Variants in FCN1 observed in about 807,000 individuals in gnomAD.
The protein encoded by FCN1 is ficolin 1, also known as ficolin-1.
Under a neutral mutation model 35.6 loss-of-function variants are expected in FCN1, and 42 were observed. That is an observed-to-expected ratio of 1.18 (90% CI 0.92 to 1.53). The LOEUF (loss-of-function observed/expected upper bound fraction) is 1.53. FCN1 is among the 40% of genes most tolerant of loss of function. The probability of loss-of-function intolerance (pLI) is 0.00; values close to 1 mark genes in which losing one functional copy is unlikely to be tolerated. For missense variants in FCN1, 439 were observed against 428.4 expected (o/e 1.02, Z -0.22); for synonymous variants, 179 against 169.8 (o/e 1.05, Z -0.42).
At chr9:134,917,697 T>C in intron 1 of FCN1, 72 bp downstream of exon 1, 4 of 960,130 alleles carry the variant, frequency 4.2e-6, no homozygotes, top group Non-Finnish European at 6.8e-6. Flanking sequence ...AGGTTTTGCC[T>C]GGGACACCCG....
At chr9:134,916,587 G>A in intron 1 of FCN1, 126 bp from the exon 2 acceptor site, 1 of 926,224 alleles carries the variant, frequency 1.1e-6, no homozygotes, top group Non-Finnish European at 1.7e-6. Flanking sequence ...GAGATGTGAT[G>A]GGGGGCAGAG....
At chr9:134,910,943 C>T (rs1831015360) in intron 8 of FCN1, among the ~76,000 whole-genome samples, 190 bp downstream of exon 8, 1 of 152,216 alleles carries the variant, frequency 6.6e-6, no homozygotes, top group Non-Finnish European at 1.5e-5. Context: ...GCAGACATAG[C>T]CTTAGGAATA....
intron 1 of FCN1, among the ~76,000 whole-genome samples, chr9:134,916,865 C>T (rs1403590884): frequency 6.6e-6 from 1 of 152,172 alleles, no homozygotes; most frequent in Non-Finnish European, 1.5e-5. Flanking sequence ...GGAATTGGGG[C>T]TGACAAAGCA....
intron 8 of FCN1, among the ~76,000 whole-genome samples, chr9:134,910,442 C>G (rs1588655454): frequency 6.6e-6 from 1 of 152,206 alleles, no homozygotes; most frequent in Admixed American, 6.5e-5. Context: ...TCCTCTATCT[C>G]AAGCCCTGAG....
At position 134,904,818 on chromosome 9, in the gene FCN1, G is replaced by A. The variant is rs920438630; in HGVS notation, c.*4980C>T. Among the ~76,000 whole-genome samples, 26 of 151,758 alleles carry A rather than the reference G, an allele frequency of 1.7e-4. No individual in the cohort carries two copies. The highest frequency in any genetic ancestry group is 6.3e-4 in the African/African-American group (26 of 41,286). On this transcript the variant is annotated 3_prime_UTR_variant, in exon 9 of 9. Coordinates refer to ENST00000371806, the MANE Select transcript of FCN1 (RefSeq NM_002003.5). ...AAAAAATATATATGAAAGGGAGTTT[G>A]TCAGGCAGCAAGAAGATGATCTCAC...
chr9:134,909,267 C>G lies in FCN1; in HGVS notation c.*531G>C, dbSNP rs959917065. ...GGGAAGCAGAAAAGTTCCTACTAAA[C>G]TTTCCCCCTTTTTAGTAAGTGTTTT... On this transcript the variant is annotated 3_prime_UTR_variant, in exon 9 of 9. Transcript: ENST00000371806. 1 of 1,289,716 alleles carries G rather than the reference C, an allele frequency of 7.8e-7. No homozygotes were observed. The highest frequency in any genetic ancestry group is 2.3e-5 in the Admixed American group (1 of 43,558). The allele number at this position is 1,289,716 out of a possible 1,614,324, so 79.9% of individuals were successfully genotyped here.
At chr9:134,914,680 T>A (rs1256829208) in intron 3 of FCN1, 76 bp downstream of exon 3, 1 of 1,064,668 alleles carries the variant, frequency 9.4e-7, no homozygotes, top group East Asian at 2.6e-5. Context: ...TGTCTCTGTC[T>A]CTCCCTCCCT....
intron 7 of FCN1, 34 bp downstream of exon 7, chr9:134,912,452 C>A (rs760373456): frequency 1.9e-6 from 3 of 1,598,048 alleles, no homozygotes; most frequent in Non-Finnish European, 1.7e-6. Context: ...CACCTCAGGG[C>A]CCCCCAACCC....
At position 134,905,878 on chromosome 9, in the gene FCN1, C is replaced by CTTG. The variant is rs1830946456; in HGVS notation, c.*3919_*3920insCAA. 2.3e-5 allele frequency: 2 copies of CTTG among 86,704 alleles called. 1 individual carries two copies. 5.4% of individuals were successfully genotyped at this position (86,704 alleles called of 1,614,324 possible). On this transcript the variant is annotated 3_prime_UTR_variant, in exon 9 of 9. Transcript: ENST00000371806. ...TCTTCCTCTTCCTCTTCTTCTTCTT[C>CTTG]TTCTTCTTCTTCTTCTTCTTCTTCT...
chr9:134,913,623 G>C lies in FCN1; in HGVS notation c.308-10C>G, dbSNP rs1831054842. On this transcript the variant is annotated splice_polypyrimidine_tract_variant and intron_variant, in intron 4 of 8. Coordinates refer to ENST00000371806, the MANE Select transcript of FCN1 (RefSeq NM_002003.5). The stretch of plus-strand genomic sequence containing the variant: ...GACTGCCCAGCGTCTCCTGTGTGGG[G>C]AGAGGAGACACTTGTCATAAGCTTG... 1 of 1,600,718 alleles carries C rather than the reference G, an allele frequency of 6.2e-7. No individual in the cohort carries two copies. The highest frequency in any genetic ancestry group is 8.5e-7 in the Non-Finnish European group (1 of 1,171,988).
At position 134,909,198 on chromosome 9, in the gene FCN1, C is replaced by T. The variant is rs1224388427; in HGVS notation, c.*600G>A. The T allele has an allele frequency of 2.3e-6, 3 of 1,289,364 alleles. No homozygotes were observed. The highest frequency in any genetic ancestry group is 2.5e-5 in the South Asian group (2 of 80,960). The allele number at this position is 1,289,364 out of a possible 1,614,324, so 79.9% of individuals were successfully genotyped here. A position where few individuals can be genotyped will look rare whatever the true frequency, so the allele number is the denominator to read the frequency against. On this transcript the variant is annotated 3_prime_UTR_variant, in exon 9 of 9. Transcript: ENST00000371806. ...CTTAGTGAGTGCTAAGTGTTTATCTCTTCCCAGCAGCCAGCCAGCCCAAAG... is the reference window on the plus strand; with the variant it reads ...CTTAGTGAGTGCTAAGTGTTTATCTTTTCCCAGCAGCCAGCCAGCCCAAAG...
chr9:134,912,681 C>T, intron 6 of FCN1, 66 bp from the exon 7 acceptor site: 3 of 1,604,660 alleles, frequency 1.9e-6, no homozygotes, highest in African/African-American at 1.3e-5. Flanking sequence ...CGGGGACCCG[C>T]CCTCCAGAGG....
chr9:134,905,896 CTTCTTCTTCTTCTTCTT>C lies in FCN1; in HGVS notation c.*3885_*3901del, dbSNP rs1564215452. ...TCTTCTTCTTCTTCTTCTTCTTCTT[CTTCTTCTTCTTCTTCTT>C]CTTCTTCTTCTCCCTCTCCCTCTCC... is the stretch of plus-strand genomic sequence containing the variant. On this transcript the variant is annotated 3_prime_UTR_variant, in exon 9 of 9. Coordinates refer to ENST00000371806, the MANE Select transcript of FCN1 (RefSeq NM_002003.5). 6.6e-5 allele frequency: 7 copies of C among 106,690 alleles called. No homozygotes were observed. The highest frequency in any genetic ancestry group is 3.8e-4 in the African/African-American group (6 of 15,838). The allele number at this position is 106,690 out of a possible 1,614,324, so 6.6% of individuals were successfully genotyped here.
chr9:134,910,803 G>A (rs577083881), intron 8 of FCN1, among the ~76,000 whole-genome samples: 10 of 152,216 alleles, frequency 6.6e-5, no homozygotes, highest in African/African-American at 1.4e-4. Flanking sequence ...TGTCCCACAA[G>A]GCTGGTGTTC....
intron 7 of FCN1, 103 bp downstream of exon 7, chr9:134,912,383 A>T (rs1272049896): frequency 8.1e-7 from 1 of 1,231,996 alleles, no homozygotes; most frequent in Non-Finnish European, 1.1e-6. Flanking sequence ...TCAGGGCCCA[A>T]TCCCCTGTGG....
intron 2 of FCN1, among the ~76,000 whole-genome samples, chr9:134,915,237 T>G (rs533888217): frequency 2.6e-5 from 4 of 152,280 alleles, no homozygotes; most frequent in Admixed American, 6.5e-5. Flanking sequence ...CAGCCGCTGC[T>G]GCCAGGGAGG....
chr9:134,917,514 C>A (rs1831106010), intron 1 of FCN1, among the ~76,000 whole-genome samples: 1 of 152,190 alleles, frequency 6.6e-6, no homozygotes, highest in Middle Eastern at 3.2e-3. Flanking sequence ...TCCAGACCCA[C>A]CTATGAAGCT....
rs1830983003 is a variant in FCN1 at position 134,908,604 on chromosome 9, G to A, written c.*1194C>T. ...GGGGGGAGAGGGGACAACGGATGAA[G>A]GGTCAGAGAGATGTGGTGCTGCTGG... On this transcript the variant is annotated 3_prime_UTR_variant, in exon 9 of 9. Transcript: ENST00000371806. The A allele has an allele frequency of 6.5e-6, 1 of 153,730 alleles. No individual in the cohort carries two copies. The highest frequency in any genetic ancestry group is 1.4e-5 in the Non-Finnish European group (1 of 69,264). The allele number at this position is 153,730 out of a possible 1,614,324, so 9.5% of individuals were successfully genotyped here.
intron 8 of FCN1, 134 bp downstream of exon 8, chr9:134,910,999 T>C (rs1354803088): frequency 1.1e-6 from 1 of 924,656 alleles, no homozygotes; most frequent in Non-Finnish European, 1.7e-6. Flanking sequence ...GAGACACAAA[T>C]GCTAGTGTCT....
Sources: gnomAD v4.1 joint callset for allele counts (sites outside exome capture counted in the v4.1 genomes callset) on GRCh38, gnomAD v4.1.1 for gene constraint, MANE v1.5 for transcripts, NCBI Gene and HGNC (gene_info 2026-07-23, HGNC 2026-07-21) for gene names.